The following COL5A2 variants were observed in gnomAD, a reference collection of about 807,000 sequenced individuals.
COL5A2 encodes the protein collagen type V alpha 2 chain.
In COL5A2, 23 loss-of-function variants were observed where a neutral mutation model predicts 208.2. The ratio of observed to expected loss-of-function variants is 0.11; its 90% CI spans 0.08 to 0.16. The LOEUF (loss-of-function observed/expected upper bound fraction) is 0.16, where lower values mean the gene tolerates loss of function less well. Ranked by LOEUF, COL5A2 falls within the 10% of genes least tolerant of loss-of-function variation. COL5A2 has a pLI of 1.00. For missense variants in COL5A2, 1,590 were observed against 1,956.4 expected, an observed-to-expected ratio of 0.81 and a Z score of 3.53; for synonymous variants, 625 against 628.5, an observed-to-expected ratio of 0.99 and a Z score of 0.08.
chr2:189,101,314 T>C (rs966493719), intron 3 of COL5A2, among the ~76,000 whole-genome samples: 1 of 151,946 alleles, frequency 6.6e-6, no homozygotes, highest in Non-Finnish European at 1.5e-5. Context: ...ATTTTGAAAA[T>C]AGAAGAAATA....
chr2:189,237,348 C>A, the COL5A2 span, among the ~76,000 whole-genome samples: 1 of 149,478 alleles, frequency 6.7e-6, no homozygotes, highest in South Asian at 2.1e-4. Flanking sequence ...ACAGAGTTTA[C>A]AAAAGAGGAT....
the COL5A2 span, among the ~76,000 whole-genome samples, chr2:189,422,339 T>C: frequency 6.6e-6 from 1 of 151,928 alleles, no homozygotes; most frequent in Non-Finnish European, 1.5e-5. Flanking sequence ...GAGATTGAAA[T>C]AATATTTTAA....
At chr2:189,138,813 C>G (rs1192300529) in intron 1 of COL5A2, among the ~76,000 whole-genome samples, 2 of 152,036 alleles carry the variant, frequency 1.3e-5, no homozygotes, top group East Asian at 3.8e-4. Flanking sequence ...AACAGTTTGA[C>G]AAATAAAATA....
At chr2:189,123,966 G>A (rs1489915678) in intron 1 of COL5A2, among the ~76,000 whole-genome samples, 5 of 152,126 alleles carry the variant, frequency 3.3e-5, no homozygotes, top group African/African-American at 1.2e-4. Context: ...ACATTTACAT[G>A]TACAAAAGTC....
the COL5A2 span, among the ~76,000 whole-genome samples, chr2:189,419,003 C>T: frequency 6.6e-6 from 1 of 152,092 alleles, no homozygotes; most frequent in Non-Finnish European, 1.5e-5. Flanking sequence ...CAAATAGTTA[C>T]CACCAAAACC....
chr2:189,306,612 A>G, the COL5A2 span, among the ~76,000 whole-genome samples: 2 of 152,326 alleles, frequency 1.3e-5, no homozygotes, highest in South Asian at 4.1e-4. Flanking sequence ...GACAATGGGA[A>G]GTGACACAGA....
chr2:189,155,219 C>T (rs1289754985), intron 1 of COL5A2, among the ~76,000 whole-genome samples: 1 of 152,164 alleles, frequency 6.6e-6, no homozygotes, highest in East Asian at 1.9e-4. Context: ...AACTCCTGGA[C>T]TCAAGCTATC....
intron 2 of COL5A2, among the ~76,000 whole-genome samples, chr2:189,106,156 G>T (rs1278165844): frequency 2.0e-5 from 3 of 151,418 alleles, no homozygotes; most frequent in Non-Finnish European, 3.0e-5. Flanking sequence ...CTCAAAGAAA[G>T]TGTGCTATGT....
the COL5A2 span, among the ~76,000 whole-genome samples, chr2:189,400,922 G>T: frequency 6.6e-6 from 1 of 152,198 alleles, no homozygotes; most frequent in Non-Finnish European, 1.5e-5. Context: ...CTCAGAGGAT[G>T]AAGTATCATT....
At chr2:189,226,922 C>G (rs936031976), upstream of COL5A2, among the ~76,000 whole-genome samples, 3 of 152,144 alleles carry the variant, frequency 2.0e-5, no homozygotes, top group African/African-American at 7.2e-5. Flanking sequence ...ATAGGATGGT[C>G]TGACAGCAGG....
At chr2:189,299,775 T>G in the COL5A2 span, among the ~76,000 whole-genome samples, 1 of 152,180 alleles carries the variant, frequency 6.6e-6, no homozygotes, top group East Asian at 1.9e-4. Context: ...GCTTGCATAT[T>G]GCATTTAAGT....
chr2:189,329,931 G>A, the COL5A2 span, among the ~76,000 whole-genome samples: 27 of 150,916 alleles, frequency 1.8e-4, no homozygotes, highest in Non-Finnish European at 2.5e-4. Context: ...ATTTATGAGC[G>A]GTAAGAGAGA....
the COL5A2 span, among the ~76,000 whole-genome samples, chr2:189,321,643 C>A: frequency 6.6e-6 from 1 of 152,198 alleles, no homozygotes; most frequent in Non-Finnish European, 1.5e-5. Flanking sequence ...GCACCCAATA[C>A]AGGAGCACCC....
intron 1 of COL5A2, among the ~76,000 whole-genome samples, chr2:189,164,210 G>A (rs1039329350): frequency 6.6e-6 from 1 of 152,094 alleles, no homozygotes; most frequent in Non-Finnish European, 1.5e-5. Flanking sequence ...GGCTTTTAGC[G>A]TTTAACTTTG....
intron 12 of COL5A2, among the ~76,000 whole-genome samples, chr2:189,083,564 T>C (rs1686584347): frequency 6.6e-6 from 1 of 152,154 alleles, no homozygotes; most frequent in Non-Finnish European, 1.5e-5. Context: ...TTCAAGCTAT[T>C]ATTTAGACAT....
intron 1 of COL5A2, among the ~76,000 whole-genome samples, chr2:189,171,337 AT>A (rs1304931361): frequency 1.3e-5 from 2 of 152,324 alleles, no homozygotes; most frequent in South Asian, 4.1e-4. Flanking sequence ...ATAGTTTTAT[AT>A]CACACTAGCA....
At chr2:189,095,684 T>C (rs146511411) in intron 6 of COL5A2, among the ~76,000 whole-genome samples, 273 of 152,254 alleles carry the variant, frequency 1.8e-3, no homozygotes, top group African/African-American at 6.3e-3. Flanking sequence ...AGTCTGGTCC[T>C]ACAACAACTT....
the COL5A2 span, among the ~76,000 whole-genome samples, chr2:189,271,205 T>C: frequency 6.6e-6 from 1 of 151,900 alleles, no homozygotes; most frequent in African/African-American, 2.4e-5. Flanking sequence ...GTCAAGACAA[T>C]CCCAAGCAAA....
At chr2:189,347,680 CAAGTT>C in the COL5A2 span, among the ~76,000 whole-genome samples, 1 of 152,216 alleles carries the variant, frequency 6.6e-6, no homozygotes, top group Non-Finnish European at 1.5e-5. Flanking sequence ...TTGACATTTG[CAAGTT>C]AAGATTCCTG....
Sources: gnomAD v4.1 joint callset for allele counts (sites outside exome capture counted in the v4.1 genomes callset) on GRCh38, gnomAD v4.1.1 for gene constraint, MANE v1.5 for transcripts, NCBI Gene and HGNC (gene_info 2026-07-23, HGNC 2026-07-21) for gene names.